The following SPSB1 variants were observed in gnomAD, a reference collection of about 807,000 sequenced individuals.
The protein encoded by SPSB1 is SPRY domain-containing SOCS box protein 1.
A neutral mutation model predicts 21.2 loss-of-function variants in SPSB1; 8 were observed. That is an observed-to-expected ratio of 0.38 (90% confidence interval 0.22 to 0.68). The LOEUF (loss-of-function observed/expected upper bound fraction) is 0.68, where lower values mean the gene tolerates loss of function less well. Among genes scored for constraint, SPSB1 ranks in the 30% least tolerant of loss-of-function variants. The pLI is 0.53. For synonymous variants in SPSB1, 169 were observed against 161.7 expected, an observed-to-expected ratio of 1.05 and a Z score of -0.34; for missense variants, 242 against 377.8, an observed-to-expected ratio of 0.64 and a Z score of 2.98.
At chr1:9,310,073 C>CAT (rs1639491857) in intron 1 of SPSB1, among the ~76,000 whole-genome samples, 1 of 113,130 alleles carries the variant, frequency 8.8e-6, no homozygotes, top group African/African-American at 3.0e-5. Context: ...TGGTGAGGGG[C>CAT]CTGTGATGAT....
In SPSB1 at chr1:9,362,827, G is replaced by A. The variant is rs193150895; in HGVS notation, c.695-4621G>A. Among the ~76,000 whole-genome samples, 426 of 152,320 alleles carry A rather than the reference G, an allele frequency of 2.8e-3. 1 individual carries two copies. The highest frequency in any genetic ancestry group is 8.1e-3 in the African/African-American group (335 of 41,570). ...TCAGGCTTCTGCTCCCAGAAATAGC[G>A]CCTGATTGACTTCCTGATTTCTTTG... On this transcript the variant is annotated intron_variant, in intron 2 of 2. Coordinates refer to ENST00000328089, the MANE Select transcript of SPSB1 (RefSeq NM_025106.4).
chr1:9,330,931 G>A (rs1263129868), intron 1 of SPSB1, among the ~76,000 whole-genome samples: 2 of 140,084 alleles, frequency 1.4e-5, no homozygotes, highest in African/African-American at 4.9e-5. Flanking sequence ...GTAATTTTCT[G>A]CGTCTTTTTT....
chr1:9,366,288 T>C lies in SPSB1; in HGVS notation c.695-1160T>C, dbSNP rs182671215. On this transcript the variant is annotated intron_variant, in intron 2 of 2. Coordinates refer to ENST00000328089, the MANE Select transcript of SPSB1 (RefSeq NM_025106.4). ...GATCAGCTGAAACTGGGCTGGCATT[T>C]CCAGTTTCCTGGGGCCTGAGCTTGG... 1.5e-3 allele frequency among the ~76,000 whole-genome samples: 234 copies of C among 152,316 alleles called. 2 individuals carry two copies. Among genetic ancestry groups the C allele is most frequent in the African/African-American group, 5.1e-3 (212 of 41,582 alleles).
chr1:9,347,565 C>G (rs138628912), intron 1 of SPSB1, among the ~76,000 whole-genome samples: 42 of 152,320 alleles, frequency 2.8e-4, no homozygotes, highest in Non-Finnish European at 5.9e-4. Context: ...AAATTCTGTT[C>G]TTTCAGAAAC....
intron 1 of SPSB1, among the ~76,000 whole-genome samples, chr1:9,314,827 C>T (rs72642729): frequency 0.022 from 3,284 of 152,216 alleles, 43 homozygotes; most frequent in South Asian, 0.034. Context: ...ACATGCCCCC[C>T]GGGGTCAGGA....
chr1:9,341,882 A>G (rs145067463), intron 1 of SPSB1, among the ~76,000 whole-genome samples: 2,812 of 151,932 alleles, frequency 0.019, 78 homozygotes, highest in African/African-American at 0.062. Context: ...TTGTATTTTT[A>G]GTAGAGATGG....
chr1:9,348,906 G>A lies in SPSB1; in HGVS notation c.-149-6837G>A, dbSNP rs1412690719. Among the ~76,000 whole-genome samples, 1 of 151,812 alleles carries A rather than the reference G, an allele frequency of 6.6e-6. No homozygotes were observed. Among genetic ancestry groups the A allele is most frequent in the African/African-American group, 2.4e-5 (1 of 41,272 alleles). On this transcript the variant is annotated intron_variant, in intron 1 of 2. Coordinates refer to ENST00000328089, the MANE Select transcript of SPSB1 (RefSeq NM_025106.4). The surrounding 1 kb of genome is among the most constrained non-coding windows in gnomAD (Gnocchi z 4.8). ...TTGAGGGCTTTTGCCGTCAAAGGAT[G>A]TAAGGGACATCCCCTTTCACTCGTG...
intron 1 of SPSB1, among the ~76,000 whole-genome samples, chr1:9,326,817 C>T (rs565350619): frequency 3.3e-5 from 5 of 152,208 alleles, no homozygotes; most frequent in South Asian, 2.1e-4. Context: ...TTGGTTTAAT[C>T]GGAAAGGCTT....
chr1:9,334,248 G>A (rs1371114453), intron 1 of SPSB1, among the ~76,000 whole-genome samples: 1 of 151,922 alleles, frequency 6.6e-6, no homozygotes, highest in East Asian at 1.9e-4. Context: ...ACGACACCTG[G>A]CTAATTTTTG....
chr1:9,355,348 C>T (rs1640345017), intron 1 of SPSB1, among the ~76,000 whole-genome samples: 1 of 152,242 alleles, frequency 6.6e-6, no homozygotes, highest in African/African-American at 2.4e-5. Flanking sequence ...GGGCCATGCA[C>T]CTCCCTCTGT....
In SPSB1 at chr1:9,369,451, C is replaced by T. The variant is rs918578401; in HGVS notation, c.*1876C>T. 6.6e-6 allele frequency: 1 copy of T among 152,146 alleles called. No homozygotes were observed. The highest frequency in any genetic ancestry group is 6.5e-5 in the Admixed American group (1 of 15,282). The allele number at this position is 152,146 out of a possible 1,614,324, so 9.4% of individuals were successfully genotyped here. On this transcript the variant is annotated 3_prime_UTR_variant, in exon 3 of 3. Coordinates refer to ENST00000328089, the MANE Select transcript of SPSB1 (RefSeq NM_025106.4). ...CCAGCCCAGAGCCTTGTGGCTTGTA[C>T]AGTTTTGAAACTCCCGTTCTATTTT... is the stretch of plus-strand genomic sequence containing the variant.
At chr1:9,333,586 C>T (rs543222104) in intron 1 of SPSB1, among the ~76,000 whole-genome samples, 68 of 152,316 alleles carry the variant, frequency 4.5e-4, no homozygotes, top group African/African-American at 1.6e-3. Context: ...CCACCTCGGC[C>T]TCCCAAAGTG....
chr1:9,335,743 GC>G (rs1267646746), intron 1 of SPSB1, among the ~76,000 whole-genome samples: 2 of 152,132 alleles, frequency 1.3e-5, no homozygotes, highest in Non-Finnish European at 2.9e-5. Context: ...AGAAGGTTGA[GC>G]CTGCAGTGAG....
chr1:9,321,177 A>C lies in SPSB1; in HGVS notation c.-150+28106A>C, dbSNP rs1490370516. ...AACACAAAGCTGGAAAAAGCTCTTA[A>C]ACCTTCTTAGTTTAGTCTGCAGAGG... is the stretch of plus-strand genomic sequence containing the variant. On this transcript the variant is annotated intron_variant, in intron 1 of 2. Coordinates refer to ENST00000328089, the MANE Select transcript of SPSB1 (RefSeq NM_025106.4). The surrounding 1 kb of genome is among the most constrained non-coding windows in gnomAD (Gnocchi z 4.8). Among the ~76,000 whole-genome samples the C allele has an allele frequency of 6.6e-6, 1 of 151,408 alleles. No individual in the cohort carries two copies. Among genetic ancestry groups the C allele is most frequent in the African/African-American group, 2.4e-5 (1 of 41,254 alleles).
intron 1 of SPSB1, among the ~76,000 whole-genome samples, chr1:9,319,646 G>A (rs974475788): frequency 3.3e-5 from 5 of 152,190 alleles, no homozygotes; most frequent in Non-Finnish European, 7.3e-5. Context: ...ATTCCGTTCC[G>A]GCTGGTGCAG....
chr1:9,337,778 C>G (rs549039191), intron 1 of SPSB1, among the ~76,000 whole-genome samples: 1 of 152,330 alleles, frequency 6.6e-6, no homozygotes, highest in Non-Finnish European at 1.5e-5. Context: ...TGCCTCCGTT[C>G]GTTCTCTTGC....
chr1:9,353,288 G>T (rs955143222), intron 1 of SPSB1, among the ~76,000 whole-genome samples: 1 of 151,996 alleles, frequency 6.6e-6, no homozygotes, highest in Non-Finnish European at 1.5e-5. Context: ...TTCAGGGAAG[G>T]CCACACCCGC....
intron 1 of SPSB1, among the ~76,000 whole-genome samples, chr1:9,301,384 C>G (rs1162216517): frequency 6.6e-6 from 1 of 152,176 alleles, no homozygotes; most frequent in Non-Finnish European, 1.5e-5. Context: ...CCTGCAGTCC[C>G]AGCTACTTGG....
chr1:9,325,230 C>A (rs116480590), intron 1 of SPSB1, among the ~76,000 whole-genome samples: 108,821 of 142,580 alleles, frequency 0.76, 45,123 homozygotes, highest in Non-Finnish European at 0.9. Flanking sequence ...CCACCACCCC[C>A]CCCCCCCGCC....
Sources: gnomAD v4.1 joint callset for allele counts (sites outside exome capture counted in the v4.1 genomes callset) on GRCh38, gnomAD v4.1.1 for gene constraint, Gnocchi (gnomAD v3.1) non-coding constraint, MANE v1.5 for transcripts, NCBI Gene and HGNC (gene_info 2026-07-23, HGNC 2026-07-21) for gene names.